The following GPHN variants were observed in gnomAD, a reference collection of about 807,000 sequenced individuals.
GPHN encodes gephyrin.
In GPHN, 17 loss-of-function variants were observed where a neutral mutation model predicts 95.5. That is an observed-to-expected ratio of 0.18 (90% confidence interval 0.12 to 0.27). The LOEUF (loss-of-function observed/expected upper bound fraction) is 0.27, where lower values mean the gene tolerates loss of function less well. Ranked by LOEUF, GPHN falls within the 10% of genes least tolerant of loss-of-function variation. GPHN has a pLI of 1.00. For missense variants in GPHN, 660 were observed against 978.1 expected, an observed-to-expected ratio of 0.67 and a Z score of 4.34; for synonymous variants, 320 against 322.5, an observed-to-expected ratio of 0.99 and a Z score of 0.08.
chr14:67,514,901 G>T, the GPHN span, among the ~76,000 whole-genome samples: 1 of 152,204 alleles, frequency 6.6e-6, no homozygotes, highest in South Asian at 2.1e-4. Flanking sequence ...ATCTCGAACC[G>T]GGGCAGCAGC....
chr14:66,810,369 G>A (rs1020971268), intron 3 of GPHN, among the ~76,000 whole-genome samples: 2 of 151,022 alleles, frequency 1.3e-5, no homozygotes, highest in Non-Finnish European at 3.0e-5. Flanking sequence ...GATTTTTTTT[G>A]TTAAAGATTT....
chr14:67,347,341 T>C, the GPHN span: 1 of 1,292,676 alleles, frequency 7.7e-7, no homozygotes, highest in South Asian at 1.3e-5. Context: ...TTTCCAGAAC[T>C]TAGTTCATTT....
the GPHN span, among the ~76,000 whole-genome samples, chr14:67,283,666 T>C: frequency 6.6e-6 from 1 of 152,192 alleles, no homozygotes; most frequent in African/African-American, 2.4e-5. Flanking sequence ...GTTTGAAGTG[T>C]TGGGATCATT....
Position 66,655,309 on chromosome 14 carries a change from C to T in GPHN, c.65-25798C>T, listed in dbSNP as rs576698571. Among the ~76,000 whole-genome samples the T allele has an allele frequency of 3.9e-4, 59 of 152,214 alleles. 1 individual carries two copies. The South Asian group carries it at 0.012, about 30-fold the overall frequency. On this transcript the variant is annotated intron_variant, in intron 1 of 22. Coordinates refer to ENST00000478722, the MANE Select transcript of GPHN (RefSeq NM_020806.5). Reference sequence around the variant, plus strand: ...CACCAACATTTTGTAGTTTTCAGCACGCAAGCCCTACAACGTTTTGTAGAT... The same window carrying T: ...CACCAACATTTTGTAGTTTTCAGCATGCAAGCCCTACAACGTTTTGTAGAT...
At chr14:67,102,531 A>C (rs970667803) in intron 13 of GPHN, among the ~76,000 whole-genome samples, 3 of 151,946 alleles carry the variant, frequency 2.0e-5, no homozygotes, top group Non-Finnish European at 4.4e-5. Context: ...GTGGTGGCAC[A>C]TGGCTGTAAT....
intron 1 of GPHN, among the ~76,000 whole-genome samples, chr14:66,626,027 T>C (rs2063513178): frequency 6.6e-6 from 1 of 152,184 alleles, no homozygotes; most frequent in African/African-American, 2.4e-5. Context: ...AACTTTTAAC[T>C]TCCTACCTGA....
At position 67,181,477 on chromosome 14, in the gene GPHN, C is replaced by T. The variant is rs572038663; in HGVS notation, c.*540C>T. 1.1e-4 allele frequency: 56 copies of T among 518,588 alleles called. No individual in the cohort carries two copies. Among genetic ancestry groups the T allele is most frequent in the South Asian group, 8.5e-4 (55 of 64,924 alleles). The allele number at this position is 518,588 out of a possible 1,614,324, so 32.1% of individuals were successfully genotyped here. ...GCCTTGCCTCAAGAACCATCCCCTG[C>T]AGAGCATCCAGGGAGGTTTCTCGCC... On this transcript the variant is annotated 3_prime_UTR_variant, in exon 23 of 23. Coordinates refer to ENST00000478722, the MANE Select transcript of GPHN (RefSeq NM_020806.5).
At chr14:66,546,367 G>A (rs1286455847) in intron 1 of GPHN, among the ~76,000 whole-genome samples, 2 of 150,544 alleles carry the variant, frequency 1.3e-5, no homozygotes, top group African/African-American at 2.4e-5. Flanking sequence ...CCCAGACGGG[G>A]TGGCGGCCGG....
the GPHN span, chr14:67,395,326 C>CG: frequency 1.5e-6 from 2 of 1,363,602 alleles, no homozygotes; most frequent in Admixed American, 3.7e-5. Context: ...CAGAGCCCCC[C>CG]CAAGGGGCAG....
the GPHN span, among the ~76,000 whole-genome samples, chr14:67,238,720 T>G: frequency 6.6e-6 from 1 of 152,148 alleles, no homozygotes; most frequent in African/African-American, 2.4e-5. Flanking sequence ...CTCAGCTTAC[T>G]GCAGCATCGA....
the GPHN span, among the ~76,000 whole-genome samples, chr14:67,393,586 T>A: frequency 1.9e-3 from 285 of 152,218 alleles, 1 homozygote; most frequent in African/African-American, 6.7e-3. Context: ...CCGGAGCAGC[T>A]GGGATTACAG....
At chr14:67,439,541 CTTTCTTTCTT>C in the GPHN span, among the ~76,000 whole-genome samples, 1 of 133,410 alleles carries the variant, frequency 7.5e-6, no homozygotes, top group African/African-American at 3.1e-5. Context: ...TAGTTTCTTT[CTTTCTTTCTT>C]TCTTTCTTTC....
the GPHN span, among the ~76,000 whole-genome samples, chr14:67,256,499 C>G: frequency 6.6e-6 from 1 of 152,176 alleles, no homozygotes; most frequent in Non-Finnish European, 1.5e-5. Flanking sequence ...ATTACCATTT[C>G]AACTTGTAGT....
the GPHN span, among the ~76,000 whole-genome samples, chr14:67,661,309 T>TC: frequency 2.0e-5 from 3 of 151,092 alleles, no homozygotes; most frequent in East Asian, 5.8e-4. Flanking sequence ...AGTTTTTTTT[T>TC]TTTAAAGAAA....
At chr14:66,610,108 C>CT (rs1295105253) in intron 1 of GPHN, among the ~76,000 whole-genome samples, 2 of 152,028 alleles carry the variant, frequency 1.3e-5, no homozygotes, top group African/African-American at 4.8e-5. Context: ...GGCTTCTTTT[C>CT]TAAGTGTTTT....
At chr14:67,651,607 T>A in the GPHN span, 1 of 1,010,562 alleles carries the variant, frequency 9.9e-7, no homozygotes, top group Non-Finnish European at 1.4e-6. Context: ...CACAGCCACT[T>A]AGCAGGAAGT....
intron 1 of GPHN, among the ~76,000 whole-genome samples, chr14:66,542,587 C>G (rs1193220457): frequency 6.6e-6 from 1 of 152,130 alleles, no homozygotes; most frequent in Non-Finnish European, 1.5e-5. Context: ...GGACATTGCT[C>G]CAGCAGTTCT....
chr14:67,023,721 A>G, intron 10 of GPHN, 46 bp downstream of exon 10: 1 of 1,448,156 alleles, frequency 6.9e-7, no homozygotes, highest in Non-Finnish European at 9.7e-7. Flanking sequence ...TAGAGCTTAT[A>G]AAGCTAAAAA....
the GPHN span, chr14:67,441,708 G>A: frequency 6.7e-6 from 1 of 148,526 alleles, no homozygotes; most frequent in African/African-American, 2.4e-5. Context: ...TCTGTTGGAG[G>A]TGAGGCCTGA....
Sources: gnomAD v4.1 joint callset for allele counts (sites outside exome capture counted in the v4.1 genomes callset) on GRCh38, gnomAD v4.1.1 for gene constraint, MANE v1.5 for transcripts, NCBI Gene and HGNC (gene_info 2026-07-23, HGNC 2026-07-21) for gene names.